The following PIKFYVE variants were observed in gnomAD, a reference collection of about 807,000 sequenced individuals.
PIKFYVE encodes phosphoinositide kinase, FYVE-type zinc finger containing.
Under a neutral mutation model 257.9 loss-of-function variants are expected in PIKFYVE, and 122 were observed. The observed-to-expected ratio is 0.47, with a 90% confidence interval of 0.41 to 0.55. The LOEUF is 0.55. Ranked by LOEUF, PIKFYVE falls within the 20% of genes least tolerant of loss-of-function variation. The pLI is 0.00. For synonymous variants in PIKFYVE, 892 were observed against 868.9 expected (o/e 1.03, Z -0.47); for missense variants, 2,160 against 2,536.6 (o/e 0.85, Z 3.19).
chr2:208,330,558 C>G lies in PIKFYVE; in HGVS notation c.3827C>G (p.Thr1276Ser). Residue 1276 changes from threonine to serine, a missense_variant, in exon 23 of 42, where the codon ACC (threonine) becomes AGC (serine). Transcript: ENST00000264380. ...SYQCPSMFCDTPMVHHIRRFV... is the reference protein window; with the variant it reads ...SYQCPSMFCDSPMVHHIRRFV... ...CAGTGTCCAAGCATGTTCTGTGATACCCCCATGGTACATCATATTCGGCGC... is the reference window on the plus strand; with the variant it reads ...CAGTGTCCAAGCATGTTCTGTGATAGCCCCATGGTACATCATATTCGGCGC... 6.2e-7 allele frequency: 1 copy of G among 1,614,122 alleles called. No homozygotes were observed. The highest frequency in any genetic ancestry group is 8.5e-7 in the Non-Finnish European group (1 of 1,180,004).
In PIKFYVE at chr2:208,325,452, C is replaced by A. The variant is rs1338276014; in HGVS notation, c.2641C>A (p.Pro881Thr). Residue 881 changes from proline (P) to threonine (T), a missense_variant, in exon 20 of 42, where the codon CCC becomes ACC. Physicochemically the swap from Pro to Thr is conservative, Grantham distance 38. Around this residue, in one of 12 missense-constraint regions of PIKFYVE, gnomAD observed 522 missense variants for 514.6 expected, o/e 1.01. Transcript: ENST00000264380. ...TCTCATGGATGAATTTGCTATGCCT[C>A]CCACATTAATGCAAAACCCTTCATT... The part of the protein sequence containing the change: ...SFLMDEFAMP[P>T]TLMQNPSFHS... 3 of 1,614,036 alleles carry A rather than the reference C, an allele frequency of 1.9e-6. No homozygotes were observed. The highest frequency in any genetic ancestry group is 2.5e-6 in the Non-Finnish European group (3 of 1,180,018).
intron 5 of PIKFYVE, among the ~76,000 whole-genome samples, chr2:208,280,621 G>C (rs892316595): frequency 1.3e-5 from 2 of 152,212 alleles, no homozygotes; most frequent in Admixed American, 1.3e-4. Flanking sequence ...TGGCAGTGTA[G>C]TGGGGTTCTT....
At chr2:208,330,747 T>TG (rs1697441943) in intron 23 of PIKFYVE, 53 bp downstream of exon 23, 3 of 1,461,054 alleles carry the variant, frequency 2.1e-6, no homozygotes, top group East Asian at 2.4e-5. Context: ...TTTATTTGTA[T>TG]GTTTTTTTTT....
intron 11 of PIKFYVE, 149 bp downstream of exon 11, chr2:208,304,467 T>C: frequency 8.8e-7 from 1 of 1,132,316 alleles, no homozygotes; most frequent in South Asian, 1.4e-5. Context: ...TTGTCTTAGA[T>C]ACAGTATTTT....
intron 24 of PIKFYVE, among the ~76,000 whole-genome samples, chr2:208,334,901 T>G (rs1001312731): frequency 1.3e-5 from 2 of 152,160 alleles, no homozygotes; most frequent in African/African-American, 4.8e-5. Context: ...GTAGCATTTA[T>G]TAGTCGATAT....
At chr2:208,344,524 A>G (rs148015310) in intron 32 of PIKFYVE, among the ~76,000 whole-genome samples, 70 of 152,294 alleles carry the variant, frequency 4.6e-4, no homozygotes, top group Middle Eastern at 6.8e-3. Flanking sequence ...CAACCAAATC[A>G]AAAGTATTTT....
At chr2:208,303,819 T>C (rs1412059010) in intron 10 of PIKFYVE, among the ~76,000 whole-genome samples, 1 of 152,232 alleles carries the variant, frequency 6.6e-6, no homozygotes, top group African/African-American at 2.4e-5. Context: ...TTAAAAGTTA[T>C]TTTGCAAGAT....
rs201944069 is a variant in PIKFYVE, at chr2:208,323,559, C to T, written c.2191-583C>T. Reference sequence around the variant, plus strand: ...AAGTCTTTGCTATTGTGAATAGTGCCGCAATAAACATACTTGTGCATGTGT... The same window carrying T: ...AAGTCTTTGCTATTGTGAATAGTGCTGCAATAAACATACTTGTGCATGTGT... On this transcript the variant is annotated intron_variant, in intron 17 of 41. Coordinates refer to ENST00000264380, the MANE Select transcript of PIKFYVE (RefSeq NM_015040.4). Among the ~76,000 whole-genome samples, 8 of 152,094 alleles carry T rather than the reference C, an allele frequency of 5.3e-5. No homozygotes were observed. In the East Asian group the frequency reaches 9.7e-4, roughly 18 times the overall value.
intron 28 of PIKFYVE, 144 bp from the exon 29 acceptor site, chr2:208,338,363 TA>T (rs1221338027): frequency 3.2e-6 from 2 of 624,744 alleles, no homozygotes; most frequent in Non-Finnish European, 5.6e-6. Flanking sequence ...AAAAGCTAAT[TA>T]AAAATATTAA....
At chr2:208,299,725 T>C (rs1328643941) in intron 8 of PIKFYVE, among the ~76,000 whole-genome samples, 1 of 152,242 alleles carries the variant, frequency 6.6e-6, no homozygotes, top group Non-Finnish European at 1.5e-5. Context: ...TTTTCAGACA[T>C]TTAATACTAT....
intron 5 of PIKFYVE, among the ~76,000 whole-genome samples, chr2:208,283,772 T>A (rs1284256057): frequency 6.6e-6 from 1 of 151,988 alleles, no homozygotes; most frequent in Admixed American, 6.6e-5. Context: ...TTTATTGATG[T>A]GGGGTCTCAC....
At chr2:208,271,028 T>TC (rs1689354111) in intron 1 of PIKFYVE, among the ~76,000 whole-genome samples, 1 of 143,756 alleles carries the variant, frequency 7.0e-6, no homozygotes, top group African/African-American at 2.6e-5. Context: ...AGAGCAAGAC[T>TC]CCATCTCCAA....
chr2:208,310,251 G>A (rs1694803161), intron 12 of PIKFYVE, among the ~76,000 whole-genome samples: 1 of 152,062 alleles, frequency 6.6e-6, no homozygotes, highest in African/African-American at 2.4e-5. Flanking sequence ...AAATACAAAT[G>A]GGAATGGTTT....
intron 28 of PIKFYVE, among the ~76,000 whole-genome samples, chr2:208,338,057 T>C (rs1341994719): frequency 6.6e-6 from 1 of 152,140 alleles, no homozygotes. Flanking sequence ...CATATCTGTA[T>C]GAAGCTAGAT....
At chr2:208,301,927 CT>C (rs1306513443) in intron 9 of PIKFYVE, among the ~76,000 whole-genome samples, 1 of 152,068 alleles carries the variant, frequency 6.6e-6, no homozygotes, top group Non-Finnish European at 1.5e-5. Context: ...AAGGTAGGAG[CT>C]TTTCTCAACA....
At chr2:208,330,801 T>C in intron 23 of PIKFYVE, 107 bp downstream of exon 23, 2 of 1,125,896 alleles carry the variant, frequency 1.8e-6, no homozygotes, top group Non-Finnish European at 2.6e-6. Flanking sequence ...TCGTTATTTG[T>C]TATAGAGCTC....
chr2:208,357,682 T>A lies in PIKFYVE; in HGVS notation c.*2377T>A, dbSNP rs959455035. On this transcript the variant is annotated 3_prime_UTR_variant, in exon 42 of 42. Coordinates refer to ENST00000264380, the MANE Select transcript of PIKFYVE (RefSeq NM_015040.4). Reference sequence around the variant, plus strand: ...GTGGTAGAACTATATGTCTGGTCCCTTGCTGCTCTTGTTTAGGCCACTATC... The same window carrying A: ...GTGGTAGAACTATATGTCTGGTCCCATGCTGCTCTTGTTTAGGCCACTATC... 1.3e-5 allele frequency: 2 copies of A among 152,246 alleles called. No homozygotes were observed. The highest frequency in any genetic ancestry group is 3.8e-4 in the East Asian group (2 of 5,204). 9.4% of individuals were successfully genotyped at this position (152,246 alleles called of 1,614,324 possible).
rs1226509323 is a variant in PIKFYVE at position 208,350,898 on chromosome 2, C to G, written c.5562C>G (p.Pro1854=). Residue 1854 remains proline (P), a synonymous_variant, in exon 37 of 42, where the codon CCC becomes CCG. Coordinates refer to ENST00000264380, the MANE Select transcript of PIKFYVE (RefSeq NM_015040.4). ...TTCGTTCCCTCTCCCACTCATCACC[C>G]TGGCAGGCCCGGGGAGGCAAATCAG... is the stretch of plus-strand genomic sequence containing the variant. The part of the protein sequence containing the change: ...DFIRSLSHSS[P]WQARGGKSGA... 35 of 1,614,050 alleles carry G rather than the reference C, an allele frequency of 2.2e-5. No individual in the cohort carries two copies. The highest frequency in any genetic ancestry group is 3.0e-5 in the Non-Finnish European group (35 of 1,180,038).
At chr2:208,350,197 A>G (rs1358302371) in intron 36 of PIKFYVE, 114 bp downstream of exon 36, 1 of 1,469,488 alleles carries the variant, frequency 6.8e-7, no homozygotes, top group Non-Finnish European at 9.1e-7. Context: ...CTTGAAATGA[A>G]TATTAAGTCT....
Sources: allele counts gnomAD v4.1 joint callset (sites outside exome capture counted in the v4.1 genomes callset), GRCh38; gene constraint gnomAD v4.1.1; regional missense constraint gnomAD v4.1.1; transcripts MANE v1.5; gene names NCBI Gene and HGNC (gene_info 2026-07-23, HGNC 2026-07-21).